The following STARD4 variants were observed in gnomAD, a reference collection of about 807,000 sequenced individuals.
The protein encoded by STARD4 is stAR-related lipid transfer protein 4.
STARD4 carries 33 observed loss-of-function variants against 24.9 expected under a neutral mutation model. That is an observed-to-expected ratio of 1.32 (90% confidence interval 1.00 to 1.77). The LOEUF (loss-of-function observed/expected upper bound fraction) is 1.77, where lower values mean the gene tolerates loss of function less well. Among genes scored for constraint, STARD4 ranks in the 40% most tolerant of loss-of-function variants. The pLI, the probability that STARD4 is intolerant of heterozygous loss-of-function variation, is 0.00. For missense variants in STARD4, 238 were observed against 249.3 expected (o/e 0.95, Z 0.31); for synonymous variants, 88 against 77.4 (o/e 1.14, Z -0.72).
At chr5:111,508,185 G>A (rs555450913) in intron 1 of STARD4, among the ~76,000 whole-genome samples, 76 of 151,874 alleles carry the variant, frequency 5.0e-4, no homozygotes, top group African/African-American at 1.7e-3. Flanking sequence ...CTATTACATC[G>A]TTATTTTCTT....
intron 1 of STARD4, among the ~76,000 whole-genome samples, chr5:111,510,881 A>G (rs1757215780): frequency 1.3e-5 from 2 of 152,254 alleles, no homozygotes. Flanking sequence ...TGAATGCCAT[A>G]AAAATCTGTT....
chr5:111,508,557 A>AG (rs764460728), intron 1 of STARD4, among the ~76,000 whole-genome samples: 1 of 152,178 alleles, frequency 6.6e-6, no homozygotes, highest in Non-Finnish European at 1.5e-5. Context: ...GCTGGAAAGG[A>AG]GGTCAAGAAA....
intron 3 of STARD4, among the ~76,000 whole-genome samples, 159 bp from the exon 4 acceptor site, chr5:111,502,247 T>C (rs1756510073): frequency 6.6e-6 from 1 of 152,084 alleles, no homozygotes; most frequent in Non-Finnish European, 1.5e-5. Flanking sequence ...GGTGAGTGGA[T>C]CACTTGACGT....
In STARD4 at chr5:111,496,761, G is replaced by A. The variant is rs752867737; in HGVS notation, c.*3125C>T. ...AAAGGAGGAGGAGAGAGAAGGGAGGGGAAGGAAAAAAATTCTATTAACTAG... is the reference window on the plus strand; with the variant it reads ...AAAGGAGGAGGAGAGAGAAGGGAGGAGAAGGAAAAAAATTCTATTAACTAG... On this transcript the variant is annotated 3_prime_UTR_variant, in exon 6 of 6. Transcript: ENST00000296632. The A allele has an allele frequency of 1.3e-5, 2 of 151,654 alleles. No homozygotes were observed. The highest frequency in any genetic ancestry group is 2.9e-5 in the Non-Finnish European group (2 of 67,868). The allele number at this position is 151,654 out of a possible 1,614,324, so 9.4% of individuals were successfully genotyped here.
In STARD4 at chr5:111,499,842, G is replaced by GA; in HGVS notation, c.*43dup. On this transcript the variant is annotated 3_prime_UTR_variant, in exon 6 of 6. Coordinates refer to ENST00000296632, the MANE Select transcript of STARD4 (RefSeq NM_139164.3). ...TGATTTTTACAGGCCATGTAGCTGA[G>GA]AGAGTTGATCTGTAGTACTACAAGT... 1 of 1,536,478 alleles carries GA rather than the reference G, an allele frequency of 6.5e-7. No homozygotes were observed. The highest frequency in any genetic ancestry group is 9.0e-7 in the Non-Finnish European group (1 of 1,113,350).
At chr5:111,511,651 C>G (rs1335480647) in intron 1 of STARD4, among the ~76,000 whole-genome samples, 3 of 152,178 alleles carry the variant, frequency 2.0e-5, no homozygotes, top group Non-Finnish European at 4.4e-5. Flanking sequence ...AGCCAGAATT[C>G]CAACCCAGGG....
At chr5:111,511,253 C>T (rs546397018) in intron 1 of STARD4, among the ~76,000 whole-genome samples, 3 of 152,088 alleles carry the variant, frequency 2.0e-5, no homozygotes, top group African/African-American at 7.2e-5. Flanking sequence ...AGTGAGCCAA[C>T]TTACTGTTCA....
chr5:111,499,844 G>T lies in STARD4; in HGVS notation c.*42C>A, dbSNP rs1363147594. On this transcript the variant is annotated 3_prime_UTR_variant, in exon 6 of 6. Transcript: ENST00000296632. ...ATTTTTACAGGCCATGTAGCTGAGA[G>T]AGTTGATCTGTAGTACTACAAGTTT... is the stretch of plus-strand genomic sequence containing the variant. 6.5e-7 allele frequency: 1 copy of T among 1,539,040 alleles called. No homozygotes were observed. Among genetic ancestry groups the T allele is most frequent in the Admixed American group, 1.7e-5 (1 of 59,180 alleles).
At chr5:111,506,489 A>G (rs1248134337) in intron 2 of STARD4, 110 bp from the exon 3 acceptor site, 3 of 457,450 alleles carry the variant, frequency 6.6e-6, no homozygotes, top group Non-Finnish European at 1.2e-5. Context: ...AAATAAAACC[A>G]GTACATTTTC....
chr5:111,501,215 A>G (rs1004477723), intron 4 of STARD4, 99 bp from the exon 5 acceptor site: 17 of 1,211,748 alleles, frequency 1.4e-5, no homozygotes. Context: ...ATATTTATTT[A>G]AAATGTTTCA....
intron 3 of STARD4, among the ~76,000 whole-genome samples, chr5:111,502,473 A>AT (rs1474071346): frequency 1.3e-5 from 2 of 151,770 alleles, no homozygotes; most frequent in Non-Finnish European, 2.9e-5. Context: ...CATCTCAAAA[A>AT]AAAAATAAAA....
At chr5:111,505,666 T>A (rs1159665844) in intron 3 of STARD4, among the ~76,000 whole-genome samples, 2 of 152,206 alleles carry the variant, frequency 1.3e-5, no homozygotes, top group Non-Finnish European at 2.9e-5. Flanking sequence ...GAAGAGCAAG[T>A]ACTTAAATCA....
chr5:111,501,137 C>T (rs772654652), intron 4 of STARD4, 21 bp from the exon 5 acceptor site: 7 of 1,580,006 alleles, frequency 4.4e-6, no homozygotes, highest in Non-Finnish European at 6.0e-6. Flanking sequence ...AGAGATAAGA[C>T]AAGTGTTACT....
rs917333223 is a variant in STARD4, at chr5:111,498,524, A to G, written c.*1362T>C. 2.6e-5 allele frequency: 4 copies of G among 152,036 alleles called. No individual in the cohort carries two copies. The East Asian group carries it at 7.7e-4, about 29-fold the overall frequency. The allele number at this position is 152,036 out of a possible 1,614,324, so 9.4% of individuals were successfully genotyped here. On this transcript the variant is annotated 3_prime_UTR_variant, in exon 6 of 6. Coordinates refer to ENST00000296632, the MANE Select transcript of STARD4 (RefSeq NM_139164.3). ...ACAAATAAAAAATAGATGAAGTCAA[A>G]ACTAACATTTACCAATTTCCATGAG... is the stretch of plus-strand genomic sequence containing the variant.
chr5:111,508,246 G>C (rs1757007473), intron 1 of STARD4, among the ~76,000 whole-genome samples: 1 of 151,992 alleles, frequency 6.6e-6, no homozygotes, highest in South Asian at 2.1e-4. Flanking sequence ...ATAGGTGTAT[G>C]ATTCTACTCT....
rs1447119905 is a variant in STARD4, at chr5:111,497,262, A to C, written c.*2624T>G. The C allele has an allele frequency of 6.6e-6, 1 of 152,072 alleles. No homozygotes were observed. The highest frequency in any genetic ancestry group is 1.5e-5 in the Non-Finnish European group (1 of 67,938). The allele number at this position is 152,072 out of a possible 1,614,324, so 9.4% of individuals were successfully genotyped here. On this transcript the variant is annotated 3_prime_UTR_variant, in exon 6 of 6. Transcript: ENST00000296632. ...TATTTGCTGGCAATAATTTTATCTCATTGACAACTGATTTATATCTAAAGT... is the reference window on the plus strand; with the variant it reads ...TATTTGCTGGCAATAATTTTATCTCCTTGACAACTGATTTATATCTAAAGT...
chr5:111,500,922 C>G, intron 5 of STARD4, 80 bp downstream of exon 5: 1 of 1,610,258 alleles, frequency 6.2e-7, no homozygotes, highest in Non-Finnish European at 8.5e-7. Flanking sequence ...ATATATCTCA[C>G]AAGGAAAGAG....
intron 3 of STARD4, among the ~76,000 whole-genome samples, chr5:111,502,965 A>G (rs976201010): frequency 1.1e-4 from 17 of 152,206 alleles, no homozygotes; most frequent in Non-Finnish European, 1.5e-5. Context: ...AAGATAATAA[A>G]GTCCCTTCAT....
At chr5:111,505,968 A>C (rs1756822275) in intron 3 of STARD4, among the ~76,000 whole-genome samples, 1 of 152,054 alleles carries the variant, frequency 6.6e-6, no homozygotes, top group African/African-American at 2.4e-5. Context: ...TGGGAAACCA[A>C]GGCGGGATGT....
Sources: gnomAD v4.1 joint callset for allele counts (sites outside exome capture counted in the v4.1 genomes callset) on GRCh38, gnomAD v4.1.1 for gene constraint, MANE v1.5 for transcripts, NCBI Gene and HGNC (gene_info 2026-07-23, HGNC 2026-07-21) for gene names.